The following PLD5 variants were observed in gnomAD, a reference collection of about 807,000 sequenced individuals.
PLD5 encodes the protein phospholipase D family member 5, also known as inactive phospholipase D5.
Under a neutral mutation model 61.1 loss-of-function variants are expected in PLD5, and 36 were observed. The ratio of observed to expected loss-of-function variants is 0.59; its 90% CI spans 0.45 to 0.78. PLD5 has a LOEUF of 0.78. Ranked by LOEUF, PLD5 falls within the 30% of genes least tolerant of loss-of-function variation. The pLI, the probability that PLD5 is intolerant of heterozygous loss-of-function variation, is 0.00. For missense variants in PLD5, 515 were observed against 644.4 expected (o/e 0.80, Z 2.17); for synonymous variants, 243 against 242.8 (o/e 1.00, Z -0.01).
At chr1:242,387,109 G>A (rs1572031900) in intron 1 of PLD5, among the ~76,000 whole-genome samples, 1 of 152,220 alleles carries the variant, frequency 6.6e-6, no homozygotes, top group African/African-American at 2.4e-5. Context: ...ACAATAAAAA[G>A]TTCGAAGAAA....
intron 5 of PLD5, among the ~76,000 whole-genome samples, chr1:242,191,568 G>A (rs972458079): frequency 6.6e-6 from 1 of 151,922 alleles, no homozygotes; most frequent in Non-Finnish European, 1.5e-5. Flanking sequence ...CCTGGGCAAT[G>A]GAGCAAGAAG....
chr1:242,406,841 C>A (rs1334688280), intron 1 of PLD5, among the ~76,000 whole-genome samples: 3 of 152,088 alleles, frequency 2.0e-5, no homozygotes, highest in Non-Finnish European at 4.4e-5. Flanking sequence ...AATAAAAGAG[C>A]CTTCAATTAG....
chr1:242,295,682 G>C (rs1675613454), intron 2 of PLD5, among the ~76,000 whole-genome samples: 1 of 152,148 alleles, frequency 6.6e-6, no homozygotes, highest in African/African-American at 2.4e-5. Context: ...GGGTCAAATA[G>C]TAATTCTATT....
intron 1 of PLD5, among the ~76,000 whole-genome samples, chr1:242,443,883 T>C (rs754983412): frequency 1.4e-4 from 22 of 152,198 alleles, no homozygotes; most frequent in Non-Finnish European, 2.9e-4. Context: ...ATTTATTGCA[T>C]TGATTTTACC....
intron 3 of PLD5, among the ~76,000 whole-genome samples, chr1:242,279,335 A>G (rs1574657302): frequency 6.6e-6 from 1 of 152,188 alleles, no homozygotes; most frequent in Non-Finnish European, 1.5e-5. Context: ...GGTGCCCAGT[A>G]AAATCCCCTC....
intron 1 of PLD5, among the ~76,000 whole-genome samples, chr1:242,467,235 TAATA>T (rs1667304810): frequency 6.6e-6 from 1 of 152,088 alleles, no homozygotes; most frequent in South Asian, 2.1e-4. Context: ...TAATAAAATT[TAATA>T]AATAAATTAT....
At chr1:242,189,445 CAAAAAAA>C (rs58476673) in intron 5 of PLD5, among the ~76,000 whole-genome samples, 4 of 70,438 alleles carry the variant, frequency 5.7e-5, no homozygotes, top group Non-Finnish European at 8.4e-5. Flanking sequence ...GACTCCATCT[CAAAAAAA>C]AAAAAAAAAA....
intron 5 of PLD5, among the ~76,000 whole-genome samples, chr1:242,163,198 C>A (rs12087322): frequency 0.06 from 8,819 of 147,374 alleles, 918 homozygotes; most frequent in African/African-American, 0.21. Flanking sequence ...GGCTGGAGTG[C>A]AGTGGCGCGA....
At chr1:242,325,803 T>C (rs1574736898) in intron 2 of PLD5, among the ~76,000 whole-genome samples, 1 of 152,288 alleles carries the variant, frequency 6.6e-6, no homozygotes, top group East Asian at 1.9e-4. Context: ...CTCTCAGAAC[T>C]TATGGGAAGC....
At chr1:242,351,165 T>A (rs769834440) in intron 1 of PLD5, among the ~76,000 whole-genome samples, 1 of 152,164 alleles carries the variant, frequency 6.6e-6, no homozygotes, top group Non-Finnish European at 1.5e-5. Context: ...TCTCCCAAAG[T>A]GCCGGGATTA....
intron 1 of PLD5, among the ~76,000 whole-genome samples, chr1:242,472,988 T>G (rs935626504): frequency 5.3e-5 from 8 of 152,068 alleles, no homozygotes; most frequent in Non-Finnish European, 1.5e-5. Flanking sequence ...CCTTGAGATT[T>G]CAAGAGAAAA....
At chr1:242,134,385 G>GT (rs566378859) in intron 5 of PLD5, among the ~76,000 whole-genome samples, 10,608 of 79,584 alleles carry the variant, frequency 0.13, 414 homozygotes, top group African/African-American at 0.24. Context: ...GTAGCCTTCA[G>GT]TTTTTTTTTT....
At chr1:242,482,506 G>GA (rs1454361931) in intron 1 of PLD5, among the ~76,000 whole-genome samples, 7 of 152,064 alleles carry the variant, frequency 4.6e-5, no homozygotes, top group South Asian at 4.1e-4. Context: ...GAAGTTTAGA[G>GA]AAAAAAGAAT....
intron 4 of PLD5, among the ~76,000 whole-genome samples, chr1:242,225,904 C>T (rs1473019556): frequency 1.3e-5 from 2 of 152,166 alleles, no homozygotes; most frequent in Non-Finnish European, 1.5e-5. Flanking sequence ...AGGAGTGAGA[C>T]TGCTGAGTCA....
At chr1:242,194,196 CT>C (rs1395575928) in intron 5 of PLD5, among the ~76,000 whole-genome samples, 1 of 152,050 alleles carries the variant, frequency 6.6e-6, no homozygotes, top group Non-Finnish European at 1.5e-5. Context: ...CATCAGGCTT[CT>C]CATATTTCTG....
chr1:242,382,823 A>G (rs890490092), intron 1 of PLD5, among the ~76,000 whole-genome samples: 1 of 152,224 alleles, frequency 6.6e-6, no homozygotes, highest in Non-Finnish European at 1.5e-5. Flanking sequence ...CTTTAATTAT[A>G]TATGTTTCAT....
chr1:242,430,152 A>G (rs1172654131), intron 1 of PLD5, among the ~76,000 whole-genome samples: 1 of 151,778 alleles, frequency 6.6e-6, no homozygotes, highest in Admixed American at 6.6e-5. Flanking sequence ...GGCCTAGCAC[A>G]TAGCATCTCA....
chr1:242,250,240 C>T (rs1269570025), intron 4 of PLD5, among the ~76,000 whole-genome samples: 1 of 152,206 alleles, frequency 6.6e-6, no homozygotes, highest in African/African-American at 2.4e-5. Context: ...GTGCTTTATA[C>T]ACCCAAAGCT....
chr1:242,408,468 T>C (rs2149285934), intron 1 of PLD5, among the ~76,000 whole-genome samples: 1 of 152,290 alleles, frequency 6.6e-6, no homozygotes, highest in African/African-American at 2.4e-5. Context: ...AGCACCATCC[T>C]GTTGGTGATG....
Sources: gnomAD v4.1 joint callset for allele counts (sites outside exome capture counted in the v4.1 genomes callset) on GRCh38, gnomAD v4.1.1 for gene constraint, MANE v1.5 for transcripts, NCBI Gene and HGNC (gene_info 2026-07-23, HGNC 2026-07-21) for gene names.